The following MPPED2 variants were observed in gnomAD, a reference collection of about 807,000 sequenced individuals.
MPPED2 encodes metallophosphoesterase domain containing 2, also known as metallophosphoesterase MPPED2.
In MPPED2, 5 loss-of-function variants were observed where a neutral mutation model predicts 33.0. The observed-to-expected ratio is 0.15, with a 90% confidence interval of 0.08 to 0.32. The LOEUF (loss-of-function observed/expected upper bound fraction) is 0.32. Ranked by LOEUF, MPPED2 falls within the 10% of genes least tolerant of loss-of-function variation. The pLI is 1.00. For synonymous variants in MPPED2, 136 were observed against 141.9 expected (o/e 0.96, Z 0.29); for missense variants, 275 against 372.1 (o/e 0.74, Z 2.15).
intron 3 of MPPED2, among the ~76,000 whole-genome samples, chr11:30,512,227 C>A (rs556896155): frequency 6.6e-6 from 1 of 152,264 alleles, no homozygotes; most frequent in South Asian, 2.1e-4. Context: ...GGGTCCCCTT[C>A]CAGGGTCATT....
chr11:30,489,092 T>C (rs1253300623), intron 4 of MPPED2, among the ~76,000 whole-genome samples: 1 of 150,886 alleles, frequency 6.6e-6, no homozygotes, highest in African/African-American at 2.4e-5. Context: ...AAAGTATGAC[T>C]GAGAAAATAA....
chr11:30,428,610 G>T (rs567626070), intron 4 of MPPED2, among the ~76,000 whole-genome samples: 1 of 152,304 alleles, frequency 6.6e-6, no homozygotes, highest in African/African-American at 2.4e-5. Context: ...GTAGTGCAAT[G>T]ATTAAGTTAA....
At chr11:30,504,688 G>A in intron 3 of MPPED2, 1 of 940,430 alleles carries the variant, frequency 1.1e-6, no homozygotes, top group Non-Finnish European at 1.5e-6. Flanking sequence ...CCCCCGTCAG[G>A]CTCCATTAAT....
At chr11:30,397,595 T>A (rs1947854283) in intron 6 of MPPED2, among the ~76,000 whole-genome samples, 2 of 152,218 alleles carry the variant, frequency 1.3e-5, no homozygotes, top group South Asian at 4.1e-4. Context: ...TCTATATAAA[T>A]GCTTGATAGT....
rs561734435 is a variant in MPPED2 at position 30,458,958 on chromosome 11, C to T, written c.536+36338G>A. 1.5e-3 allele frequency among the ~76,000 whole-genome samples: 173 copies of T among 117,844 alleles called. 2 individuals carry two copies. The Admixed American group carries it at 0.018, about 12-fold the overall frequency. 77.3% of individuals were successfully genotyped at this position (117,844 alleles called of 152,430 possible). A position where few individuals can be genotyped will look rare whatever the true frequency, so the allele number is the denominator to read the frequency against. On this transcript the variant is annotated intron_variant, in intron 4 of 6. Transcript: ENST00000358117. The stretch of plus-strand genomic sequence containing the variant: ...TTTTTTTTTTTGAGACGGAGTCTCG[C>T]TCTGTCGCCCAGGCTGGAGTGCAGT...
chr11:30,462,672 A>T (rs1050003437), intron 4 of MPPED2, among the ~76,000 whole-genome samples: 2 of 152,212 alleles, frequency 1.3e-5, no homozygotes, highest in Non-Finnish European at 2.9e-5. Context: ...AAGTACTCGC[A>T]AACAAGAAGT....
intron 2 of MPPED2, among the ~76,000 whole-genome samples, chr11:30,543,889 A>C (rs2134559205): frequency 6.6e-6 from 1 of 151,420 alleles, no homozygotes; most frequent in East Asian, 2.0e-4. Flanking sequence ...AAACACAGTA[A>C]GCAGAACAGA....
chr11:30,387,386 T>C (rs930261040), exon 7 of MPPED2: 1 of 152,252 alleles, frequency 6.6e-6, no homozygotes, highest in Non-Finnish European at 1.5e-5. Context: ...GTCCCCCATA[T>C]TCCTTTCAGC....
chr11:30,403,005 G>A (rs1947931052), intron 6 of MPPED2, among the ~76,000 whole-genome samples: 1 of 152,188 alleles, frequency 6.6e-6, no homozygotes, highest in South Asian at 2.1e-4. Context: ...CAGCACTTCG[G>A]GAGGCCGAGG....
chr11:30,457,353 G>A (rs1295226801), intron 4 of MPPED2, among the ~76,000 whole-genome samples: 7 of 147,758 alleles, frequency 4.7e-5, no homozygotes, highest in African/African-American at 1.5e-4. Context: ...ATTTATAGAT[G>A]AGTCTGGCAT....
At chr11:30,475,888 C>T (rs888992236) in intron 4 of MPPED2, among the ~76,000 whole-genome samples, 6 of 151,948 alleles carry the variant, frequency 3.9e-5, no homozygotes, top group African/African-American at 1.2e-4. Context: ...TCTGTGGATC[C>T]ATATATTTGT....
At chr11:30,430,568 G>A (rs1046928945) in intron 4 of MPPED2, among the ~76,000 whole-genome samples, 9 of 152,146 alleles carry the variant, frequency 5.9e-5, no homozygotes, top group African/African-American at 1.9e-4. Context: ...CTTATACTAT[G>A]ATTCAGTAAT....
chr11:30,455,243 C>G (rs1172948108), intron 4 of MPPED2, among the ~76,000 whole-genome samples: 1 of 152,200 alleles, frequency 6.6e-6, no homozygotes, highest in Non-Finnish European at 1.5e-5. Flanking sequence ...TCAGAGCAAA[C>G]AGGCCTGGGA....
intron 2 of MPPED2, among the ~76,000 whole-genome samples, chr11:30,538,590 T>TCAAAGTC (rs1954934736): frequency 6.6e-6 from 1 of 152,134 alleles, no homozygotes; most frequent in Admixed American, 6.6e-5. Flanking sequence ...CATTTAAATA[T>TCAAAGTC]CAAAGTCCAA....
At chr11:30,566,375 A>G (rs1246706276) in intron 2 of MPPED2, among the ~76,000 whole-genome samples, 2 of 152,170 alleles carry the variant, frequency 1.3e-5, no homozygotes, top group African/African-American at 2.4e-5. Context: ...ATTTTTTCCT[A>G]TGTTAGAAAT....
intron 4 of MPPED2, among the ~76,000 whole-genome samples, chr11:30,437,698 T>A (rs913910928): frequency 6.6e-6 from 1 of 152,200 alleles, no homozygotes; most frequent in South Asian, 2.1e-4. Context: ...TTTAGTCCTA[T>A]GGTTCAGCTA....
intron 4 of MPPED2, among the ~76,000 whole-genome samples, chr11:30,472,406 G>A (rs2134067896): frequency 6.6e-6 from 1 of 152,122 alleles, no homozygotes; most frequent in Non-Finnish European, 1.5e-5. Flanking sequence ...AATGAAGGGA[G>A]AAGAGGACCT....
intron 2 of MPPED2, among the ~76,000 whole-genome samples, chr11:30,575,354 A>T (rs1456396053): frequency 6.6e-6 from 1 of 152,228 alleles, no homozygotes; most frequent in African/African-American, 2.4e-5. Context: ...ATCAAGTGGT[A>T]TCTTTTGGGC....
intron 2 of MPPED2, among the ~76,000 whole-genome samples, chr11:30,574,749 G>A (rs1956848408): frequency 6.6e-6 from 1 of 152,158 alleles, no homozygotes; most frequent in South Asian, 2.1e-4. Flanking sequence ...ATAAGGACTT[G>A]GAGACAAATT....
Sources: gnomAD v4.1 joint callset for allele counts (sites outside exome capture counted in the v4.1 genomes callset) on GRCh38, gnomAD v4.1.1 for gene constraint, MANE v1.5 for transcripts, NCBI Gene and HGNC (gene_info 2026-07-23, HGNC 2026-07-21) for gene names.